Variants in RPRD1A observed in about 807,000 individuals in gnomAD.
RPRD1A encodes the protein regulation of nuclear pre-mRNA domain containing 1A, also known as regulation of nuclear pre-mRNA domain-containing protein 1A.
In RPRD1A, 9 loss-of-function variants were observed where a neutral mutation model predicts 37.8. That is an observed-to-expected ratio of 0.24 (90% CI 0.14 to 0.42). The LOEUF (loss-of-function observed/expected upper bound fraction) is 0.42, where lower values mean the gene tolerates loss of function less well. Among genes scored for constraint, RPRD1A ranks in the 10% least tolerant of loss-of-function variants. The pLI, the probability that RPRD1A is intolerant of heterozygous loss-of-function variation, is 1.00. For missense variants in RPRD1A, 255 were observed against 371.0 expected, an observed-to-expected ratio of 0.69 and a Z score of 2.57; for synonymous variants, 138 against 139.7, an observed-to-expected ratio of 0.99 and a Z score of 0.08.
intron 1 of RPRD1A, among the ~76,000 whole-genome samples, chr18:36,037,852 T>A (rs1377249547): frequency 6.6e-6 from 1 of 152,122 alleles, no homozygotes; most frequent in Non-Finnish European, 1.5e-5. Context: ...CGGGCAGCAT[T>A]TTGCCCCTGC....
intron 6 of RPRD1A, chr18:36,025,221 C>T (rs1433211994): frequency 6.4e-6 from 1 of 155,484 alleles, no homozygotes; most frequent in African/African-American, 2.4e-5. Context: ...TCTTTGTGAC[C>T]TTAGGCAAGT....
At chr18:36,017,844 T>C (rs372271891) in intron 6 of RPRD1A, among the ~76,000 whole-genome samples, 3 of 152,212 alleles carry the variant, frequency 2.0e-5, no homozygotes, top group South Asian at 2.1e-4. Context: ...TGGTTTCATC[T>C]GTAGCTCCCG....
chr18:36,019,745 G>A (rs2144241854), intron 6 of RPRD1A, among the ~76,000 whole-genome samples: 1 of 152,104 alleles, frequency 6.6e-6, no homozygotes, highest in East Asian at 1.9e-4. Context: ...CCAATGTCAA[G>A]AACCTGTTGG....
In RPRD1A at chr18:36,026,997, G is replaced by A. The variant is rs369471626; in HGVS notation, c.692C>T (p.Ala231Val). Residue 231 changes from alanine (A) to valine (V), a missense_variant, in exon 6 of 7, where the codon GCG becomes GTG. Physicochemically the swap from Ala to Val is moderately conservative, Grantham distance 64. Transcript: ENST00000399022. ...TTGCTTTCTATCATCTATTTCTGCC[G>A]CCAATCTGCCATTGTAATCTGCCAG... is the stretch of plus-strand genomic sequence containing the variant. The part of the protein sequence containing the change: ...MLLADYNGRL[A>V]AEIDDRKQLT... 9 of 1,613,720 alleles carry A rather than the reference G, an allele frequency of 5.6e-6. No individual in the cohort carries two copies. The highest frequency in any genetic ancestry group is 4.5e-5 in the East Asian group (2 of 44,876).
intron 4 of RPRD1A, among the ~76,000 whole-genome samples, chr18:36,029,022 TTC>T (rs750761769): frequency 1.1e-4 from 16 of 152,198 alleles, no homozygotes; most frequent in African/African-American, 3.6e-4. Flanking sequence ...AAAAATGATT[TTC>T]TGTCATGAGT....
intron 1 of RPRD1A, among the ~76,000 whole-genome samples, chr18:36,039,889 CAA>C (rs993692537): frequency 7.5e-6 from 1 of 133,168 alleles, no homozygotes; most frequent in African/African-American, 3.0e-5. Flanking sequence ...TACACACACA[CAA>C]ACAGAAATAT....
intron 6 of RPRD1A, among the ~76,000 whole-genome samples, chr18:36,001,336 CAG>C (rs1476620282): frequency 1.3e-5 from 2 of 152,216 alleles, no homozygotes; most frequent in South Asian, 2.1e-4. Flanking sequence ...TCAAATCAAG[CAG>C]AGAGAAGGAA....
chr18:36,042,732 C>A (rs1912671367), intron 1 of RPRD1A, among the ~76,000 whole-genome samples: 1 of 152,160 alleles, frequency 6.6e-6, no homozygotes, highest in South Asian at 2.1e-4. Flanking sequence ...AAACCAACTA[C>A]CATTTTCAAC....
In RPRD1A at chr18:36,015,131, T is replaced by TACACACACACACACAC. The variant is rs201284977; in HGVS notation, c.789+11753_789+11768dup. On this transcript the variant is annotated intron_variant, in intron 6 of 6. Transcript: ENST00000399022. The stretch of plus-strand genomic sequence containing the variant: ...AACAAGTTGAAAGTAGGGTCTCACA[T>TACACACACACACACAC]ACACACACACACACACACACACACA... Among the ~76,000 whole-genome samples, 193 of 122,962 alleles carry TACACACACACACACAC rather than the reference T, an allele frequency of 1.6e-3. 2 individuals are homozygous for TACACACACACACACAC. Among genetic ancestry groups the TACACACACACACACAC allele is most frequent in the African/African-American group, 5.7e-3 (187 of 32,872 alleles). 80.7% of individuals were successfully genotyped at this position (122,962 alleles called of 152,430 possible). A position where few individuals can be genotyped will look rare whatever the true frequency, so the allele number is the denominator to read the frequency against.
intron 6 of RPRD1A, among the ~76,000 whole-genome samples, chr18:36,019,550 T>C (rs937889630): frequency 1.3e-5 from 2 of 152,064 alleles, no homozygotes; most frequent in African/African-American, 2.4e-5. Context: ...TAGACAGGGG[T>C]GGTTTGGCAG....
At chr18:36,012,457 C>A (rs918271876) in intron 6 of RPRD1A, among the ~76,000 whole-genome samples, 2 of 152,190 alleles carry the variant, frequency 1.3e-5, no homozygotes, top group Non-Finnish European at 1.5e-5. Flanking sequence ...ATTAGATACA[C>A]AAATACTTAC....
rs565733504 is a variant in RPRD1A, at chr18:36,020,616, A to G, written c.789+6284T>C. ...TCTCTGAAATTCTGTTAAGAATAGA[A>G]AAGCAATAAAAATAAATAGTCTGAG... On this transcript the variant is annotated intron_variant, in intron 6 of 6. Coordinates refer to ENST00000399022, the MANE Select transcript of RPRD1A (RefSeq NM_018170.5). Among the ~76,000 whole-genome samples, 243 of 152,306 alleles carry G rather than the reference A, an allele frequency of 1.6e-3. 1 individual carries two copies. Among genetic ancestry groups the G allele is most frequent in the Non-Finnish European group, 3.1e-3 (210 of 68,032 alleles).
intron 6 of RPRD1A, among the ~76,000 whole-genome samples, chr18:36,006,055 G>A (rs1371223888): frequency 3.3e-5 from 5 of 152,176 alleles, no homozygotes; most frequent in South Asian, 4.1e-4. Flanking sequence ...ATCTACCTAT[G>A]ACAATCACAG....
intron 6 of RPRD1A, among the ~76,000 whole-genome samples, chr18:36,021,148 G>A (rs2045200100): frequency 6.6e-6 from 1 of 152,092 alleles, no homozygotes; most frequent in Non-Finnish European, 1.5e-5. Flanking sequence ...CCACAGAGCT[G>A]CATCTTACCA....
intron 1 of RPRD1A, among the ~76,000 whole-genome samples, chr18:36,059,854 G>C (rs1568154328): frequency 6.6e-6 from 1 of 152,150 alleles, no homozygotes; most frequent in Non-Finnish European, 1.5e-5. Context: ...CTCAATATTT[G>C]ATATCTTAAG....
intron 2 of RPRD1A, among the ~76,000 whole-genome samples, chr18:36,033,268 C>T (rs1911931744): frequency 8.2e-6 from 1 of 121,406 alleles, no homozygotes; most frequent in Non-Finnish European, 1.6e-5. Context: ...CACCACTGTA[C>T]TCCAGCCTGG....
intron 6 of RPRD1A, among the ~76,000 whole-genome samples, chr18:36,009,664 T>C (rs931627233): frequency 1.4e-4 from 22 of 152,334 alleles, no homozygotes; most frequent in African/African-American, 4.8e-4. Flanking sequence ...AATACTTATC[T>C]TTTTGGCAAT....
At chr18:36,042,618 T>C (rs1159415667) in intron 1 of RPRD1A, among the ~76,000 whole-genome samples, 1 of 152,208 alleles carries the variant, frequency 6.6e-6, no homozygotes, top group Non-Finnish European at 1.5e-5. Flanking sequence ...ACTATTTTCA[T>C]TTTCCTTCCT....
chr18:36,013,866 C>T (rs971183282), intron 6 of RPRD1A, among the ~76,000 whole-genome samples: 1 of 151,966 alleles, frequency 6.6e-6, no homozygotes, highest in African/African-American at 2.4e-5. Context: ...ATTTCTTAAA[C>T]ACCAACAAAA....
Sources: allele counts gnomAD v4.1 joint callset (sites outside exome capture counted in the v4.1 genomes callset), GRCh38; gene constraint gnomAD v4.1.1; transcripts MANE v1.5; gene names NCBI Gene and HGNC (gene_info 2026-07-23, HGNC 2026-07-21).